Variants in TAFA2 observed in about 807,000 individuals in gnomAD.
TAFA2 encodes TAFA chemokine like family member 2.
Under a neutral mutation model 18.8 loss-of-function variants are expected in TAFA2, and 7 were observed. That is an observed-to-expected ratio of 0.37 (90% CI 0.21 to 0.70). TAFA2 has a LOEUF of 0.70. TAFA2 is among the 30% of genes least tolerant of loss of function. The pLI is 0.53. For missense variants in TAFA2, 122 were observed against 158.1 expected, an observed-to-expected ratio of 0.77 and a Z score of 1.23; for synonymous variants, 60 against 54.2, an observed-to-expected ratio of 1.11 and a Z score of -0.47.
chr12:61,941,967 T>C (rs1027038799), intron 1 of TAFA2, among the ~76,000 whole-genome samples: 1 of 152,028 alleles, frequency 6.6e-6, no homozygotes, highest in African/African-American at 2.4e-5. Context: ...CAAGGAGGCC[T>C]GCCTGCCTCT....
chr12:62,224,704 G>A (rs1218883540), intron 1 of TAFA2, among the ~76,000 whole-genome samples: 1 of 152,114 alleles, frequency 6.6e-6, no homozygotes, highest in Non-Finnish European at 1.5e-5. Context: ...GGGAAAGGGA[G>A]GGATGGGGAG....
Position 61,844,891 on chromosome 12 carries a change from T to C in TAFA2, c.106+22429A>G, listed in dbSNP as rs777191144. Among the ~76,000 whole-genome samples, 33 of 152,024 alleles carry C rather than the reference T, an allele frequency of 2.2e-4. 1 individual carries two copies. The Middle Eastern group carries it at 0.014, about 63-fold the overall frequency. ...CACAGAACTTAAAGAATATAGACAT[T>C]GTGTGTGTGTATATATATATATGTG... On this transcript the variant is annotated intron_variant, in intron 2 of 4. Coordinates refer to ENST00000416284, the MANE Select transcript of TAFA2 (RefSeq NM_178539.5).
intron 1 of TAFA2, among the ~76,000 whole-genome samples, chr12:62,233,205 T>C (rs2136985221): frequency 6.7e-6 from 1 of 149,020 alleles, no homozygotes; most frequent in South Asian, 2.2e-4. Flanking sequence ...CTCAGCCTCC[T>C]GAGTAGGTGG....
chr12:61,803,696 T>C (rs1871489486), intron 2 of TAFA2, among the ~76,000 whole-genome samples: 1 of 151,934 alleles, frequency 6.6e-6, no homozygotes, highest in Non-Finnish European at 1.5e-5. Context: ...AAATTAATAT[T>C]TTTATTATTT....
intron 1 of TAFA2, among the ~76,000 whole-genome samples, chr12:62,073,258 C>T (rs1381447551): frequency 1.3e-5 from 2 of 152,174 alleles, no homozygotes; most frequent in Admixed American, 6.5e-5. Flanking sequence ...GTATTGTTCC[C>T]TTCTGTGTAC....
chr12:61,735,123 A>G (rs1017936628), intron 4 of TAFA2, among the ~76,000 whole-genome samples: 3 of 152,078 alleles, frequency 2.0e-5, no homozygotes, highest in Non-Finnish European at 4.4e-5. Flanking sequence ...GCAGGCACTA[A>G]CACAAGCAGG....
intron 1 of TAFA2, among the ~76,000 whole-genome samples, chr12:61,868,841 A>T (rs746626936): frequency 6.6e-6 from 1 of 152,176 alleles, no homozygotes; most frequent in Non-Finnish European, 1.5e-5. Context: ...CCGGGGTTTG[A>T]GTCCAAACTT....
At chr12:61,731,053 C>T (rs1414714680) in intron 4 of TAFA2, among the ~76,000 whole-genome samples, 2 of 151,936 alleles carry the variant, frequency 1.3e-5, no homozygotes, top group African/African-American at 4.8e-5. Context: ...CCCAAGGACC[C>T]CTGTGAGATA....
intron 1 of TAFA2, among the ~76,000 whole-genome samples, chr12:61,885,757 T>C (rs1171235645): frequency 6.6e-6 from 1 of 152,218 alleles, no homozygotes; most frequent in Non-Finnish European, 1.5e-5. Context: ...TATTAGAACT[T>C]ATAAGCATTG....
intron 2 of TAFA2, among the ~76,000 whole-genome samples, chr12:61,825,324 C>G (rs1035528948): frequency 7.9e-5 from 12 of 151,966 alleles, no homozygotes; most frequent in Admixed American, 6.6e-5. Context: ...TAGAGAGAAA[C>G]AGAAACGACT....
At chr12:62,120,875 G>A (rs1288823728) in intron 1 of TAFA2, among the ~76,000 whole-genome samples, 1 of 151,544 alleles carries the variant, frequency 6.6e-6, no homozygotes, top group Non-Finnish European at 1.5e-5. Context: ...TATTTTTGGA[G>A]ATGGAGTTTC....
rs147457595 is a variant in TAFA2, at chr12:61,976,968, G to C, written c.-1-109542C>G. On this transcript the variant is annotated intron_variant, in intron 1 of 4. Coordinates refer to ENST00000416284, the MANE Select transcript of TAFA2 (RefSeq NM_178539.5). ...TTCCAAGTCTTTGCTATTGTGAATA[G>C]TGCCGTAATAAACATACATGTGCAT... Among the ~76,000 whole-genome samples, 9 of 152,132 alleles carry C rather than the reference G, an allele frequency of 5.9e-5. No homozygotes were observed. The East Asian group carries it at 1.7e-3, about 29-fold the overall frequency.
At chr12:62,141,659 T>C (rs2062240737) in intron 1 of TAFA2, among the ~76,000 whole-genome samples, 1 of 152,216 alleles carries the variant, frequency 6.6e-6, no homozygotes. Flanking sequence ...TATTGTTACT[T>C]CTGCTTTTTA....
chr12:61,908,363 CG>C (rs1455020213), intron 1 of TAFA2, among the ~76,000 whole-genome samples: 2 of 151,892 alleles, frequency 1.3e-5, no homozygotes, highest in African/African-American at 4.8e-5. Flanking sequence ...GGGCACTCCC[CG>C]GCACACACTG....
upstream of TAFA2, chr12:62,259,084 G>C (rs2062964025): frequency 6.5e-6 from 1 of 153,458 alleles, no homozygotes; most frequent in Non-Finnish European, 1.5e-5. Flanking sequence ...CTTGGATTCA[G>C]CACTTCCTAC....
chr12:61,974,609 A>C (rs796831785), intron 1 of TAFA2, among the ~76,000 whole-genome samples: 38 of 151,912 alleles, frequency 2.5e-4, no homozygotes, highest in African/African-American at 8.4e-4. Context: ...GACAAATTAA[A>C]AGTGCAATTT....
intron 1 of TAFA2, among the ~76,000 whole-genome samples, chr12:61,905,734 G>A (rs2121328732): frequency 6.6e-6 from 1 of 152,252 alleles, no homozygotes. Context: ...ATGTATGAAA[G>A]CAAAGGATAA....
chr12:61,870,695 T>C (rs4427611), intron 1 of TAFA2, among the ~76,000 whole-genome samples: 124,578 of 152,072 alleles, frequency 0.82, 51,272 homozygotes, highest in African/African-American at 0.91. Context: ...CAGCTAAATC[T>C]TACCCACCAT....
intron 2 of TAFA2, among the ~76,000 whole-genome samples, chr12:61,861,472 A>G (rs1874126257): frequency 6.6e-6 from 1 of 151,732 alleles, no homozygotes; most frequent in Non-Finnish European, 1.5e-5. Context: ...CCAGGCTGGT[A>G]TCAAACTCCT....
Sources: allele counts gnomAD v4.1 joint callset (sites outside exome capture counted in the v4.1 genomes callset), GRCh38; gene constraint gnomAD v4.1.1; transcripts MANE v1.5; gene names NCBI Gene and HGNC (gene_info 2026-07-23, HGNC 2026-07-21).